Variants in SENP5 observed in about 807,000 individuals in gnomAD.
SENP5 encodes sentrin-specific protease 5.
SENP5 carries 21 observed loss-of-function variants against 74.2 expected under a neutral mutation model. That is an observed-to-expected ratio of 0.28 (90% CI 0.20 to 0.41). SENP5 has a LOEUF of 0.41. Among genes scored for constraint, SENP5 ranks in the 10% least tolerant of loss-of-function variants. The probability of loss-of-function intolerance (pLI) is 1.00; values close to 1 mark genes in which losing one functional copy is unlikely to be tolerated. For synonymous variants in SENP5, 311 were observed against 312.7 expected, an observed-to-expected ratio of 0.99 and a Z score of 0.06; for missense variants, 717 against 889.1, an observed-to-expected ratio of 0.81 and a Z score of 2.46.
intron 1 of SENP5, among the ~76,000 whole-genome samples, chr3:196,869,844 CT>C (rs10559181): frequency 0.19 from 25,246 of 131,210 alleles, 2,516 homozygotes; most frequent in Non-Finnish European, 0.23. Context: ...CTAAATCAGC[CT>C]TTTTTTTTTT....
chr3:196,885,843 A>C lies in SENP5; in HGVS notation c.662A>C (p.Gln221Pro), dbSNP rs751482982. The change falls in exon 2 of 10, where the codon CAA (glutamine) becomes CCA (proline). Residue 221 changes from glutamine (Q) to proline (P), a missense_variant. Gln to Pro is a moderately conservative substitution (Grantham distance 76, BLOSUM62 -1). This residue lies in a region of SENP5 where 567 missense variants were observed against 577.4 expected (regional missense o/e 0.98). Transcript: ENST00000323460. ...PLIPKKFQLN[Q>P]HRRIKLSPLM... is the part of the protein sequence containing the mutation. ...ATTCCAAAAAAGTTCCAACTTAACC[A>C]ACATAGAAGGATAAAATTATCTCCT... The C allele has an allele frequency of 2.5e-6, 4 of 1,614,030 alleles. No individual in the cohort carries two copies. In the African/African-American group the frequency reaches 5.3e-5, roughly 22 times the overall value.
At chr3:196,903,482 C>A in intron 5 of SENP5, 51 bp from the exon 6 acceptor site, 1 of 1,160,220 alleles carries the variant, frequency 8.6e-7, no homozygotes, top group Non-Finnish European at 1.2e-6. Context: ...GAAGTTAAAT[C>A]TGGGCACAGC....
rs1334020470 is a variant in SENP5, at chr3:196,931,009, C to CAGAT, written c.*88_*91dup. The CAGAT allele has an allele frequency of 2.4e-6, 2 of 834,180 alleles. No homozygotes were observed. The highest frequency in any genetic ancestry group is 3.3e-5 in the African/African-American group (2 of 59,704). The allele number at this position is 834,180 out of a possible 1,614,324, so 51.7% of individuals were successfully genotyped here. A position where few individuals can be genotyped will look rare whatever the true frequency, so the allele number is the denominator to read the frequency against. Reference sequence around the variant, plus strand: ...CTCCAAACACTTAGTTGAATTTTTACAGATATTTCAGATCAGTGGTGTTGG... The same window carrying CAGAT: ...CTCCAAACACTTAGTTGAATTTTTACAGATAGATATTTCAGATCAGTGGTGTTGG... On this transcript the variant is annotated 3_prime_UTR_variant, in exon 10 of 10. Coordinates refer to ENST00000323460, the MANE Select transcript of SENP5 (RefSeq NM_152699.5).
intron 7 of SENP5, among the ~76,000 whole-genome samples, chr3:196,923,987 G>C (rs1017576599): frequency 2.0e-5 from 3 of 152,072 alleles, no homozygotes; most frequent in Non-Finnish European, 4.4e-5. Flanking sequence ...GGATTTTCCT[G>C]CACTACCAAG....
intron 6 of SENP5, 54 bp downstream of exon 6, chr3:196,903,664 CTT>C: frequency 9.1e-7 from 1 of 1,096,452 alleles, no homozygotes; most frequent in Non-Finnish European, 1.4e-6. Context: ...TGATAAACCA[CTT>C]TGTGTGGAAG....
chr3:196,877,234 A>C (rs1285897071), intron 1 of SENP5, among the ~76,000 whole-genome samples: 2 of 152,168 alleles, frequency 1.3e-5, no homozygotes, highest in East Asian at 3.9e-4. Flanking sequence ...CCCAGGCTGG[A>C]GTGCAGTGGC....
chr3:196,930,910 G>A lies in SENP5; in HGVS notation c.2255G>A (p.Arg752Gln), dbSNP rs1393061060. The A allele has an allele frequency of 1.2e-5, 19 of 1,611,300 alleles. No individual in the cohort carries two copies. The highest frequency in any genetic ancestry group is 3.3e-5 in the Admixed American group (2 of 60,018). Reference sequence around the variant, plus strand: ...ATTTACAAGGAGCTATGTGAGTGCCGGCTCATGGACTGAAACTCAGCAGGG... The same window carrying A: ...ATTTACAAGGAGCTATGTGAGTGCCAGCTCATGGACTGAAACTCAGCAGGG... Reference protein sequence around the residue: ...KRIYKELCECRLMD With the variant: ...KRIYKELCECQLMD Residue 752 changes from arginine (R) to glutamine (Q), a missense_variant, in exon 10 of 10, where the codon CGG becomes CAG. Physicochemically the swap from Arg to Gln is conservative, Grantham distance 43. Around this residue, in one of 4 missense-constraint regions of SENP5, gnomAD observed 85 missense variants for 188.9 expected, o/e 0.45. Transcript: ENST00000323460.
chr3:196,871,015 A>G (rs533724353), intron 1 of SENP5, among the ~76,000 whole-genome samples: 24 of 152,032 alleles, frequency 1.6e-4, no homozygotes, highest in Admixed American at 3.3e-4. Context: ...TGAAAATACA[A>G]AAAAATTAGC....
At position 196,883,367 on chromosome 3, in the gene SENP5, G is replaced by A. The variant is rs558809140; in HGVS notation, c.-31-1784G>A. Among the ~76,000 whole-genome samples the A allele has an allele frequency of 2.0e-5, 3 of 152,240 alleles. No individual in the cohort carries two copies. The East Asian group carries it at 5.8e-4, about 29-fold the overall frequency. On this transcript the variant is annotated intron_variant, in intron 1 of 9. Coordinates refer to ENST00000323460, the MANE Select transcript of SENP5 (RefSeq NM_152699.5). ...TCCCCCAGGGACTAGTCGCCTTCTT[G>A]TGGGTATAGAGCTTCTTGCCAGTCT...
rs185839172 is a variant in SENP5 at position 196,872,486 on chromosome 3, C to T, written c.-32+4413C>T. On this transcript the variant is annotated intron_variant, in intron 1 of 9. Transcript: ENST00000323460. ...GGGAAAGGCTGGAGGTCTTAGTATT[C>T]GTTATGTAAACACTCATTCTTGTTC... 6.3e-4 allele frequency among the ~76,000 whole-genome samples: 95 copies of T among 150,914 alleles called. 1 individual carries two copies. Among genetic ancestry groups the T allele is most frequent in the East Asian group, 5.8e-4 (3 of 5,178 alleles).
chr3:196,886,684 C>A lies in SENP5; in HGVS notation c.1503C>A (p.Val501=). 6.4e-7 allele frequency: 1 copy of A among 1,556,452 alleles called. No individual in the cohort carries two copies. The highest frequency in any genetic ancestry group is 1.2e-5 in the South Asian group (1 of 80,998). Residue 501 remains valine, a synonymous_variant, in exon 2 of 10, where the codon GTC becomes GTA. Coordinates refer to ENST00000323460, the MANE Select transcript of SENP5 (RefSeq NM_152699.5). ...CAGTGGATGATGAACAGCTGTCAGT[C>A]TGTCTTTCTGGTATGCACTTTTCCT... is the stretch of plus-strand genomic sequence containing the variant. ...ASPVDDEQLS[V]CLSGFLDEVM...
Position 196,931,212 on chromosome 3 carries a change from T to TAA in SENP5, c.*298_*299dup. ...AGACAGAGCATGCAGTGAAGAGTAT[T>TAA]AAAAAAAAAAGCTTAGTAGATTTGG... On this transcript the variant is annotated 3_prime_UTR_variant, in exon 10 of 10. Transcript: ENST00000323460. 3 of 229,748 alleles carry TAA rather than the reference T, an allele frequency of 1.3e-5. No individual in the cohort carries two copies. Among genetic ancestry groups the TAA allele is most frequent in the East Asian group, 9.1e-5 (1 of 11,004 alleles). 14.2% of individuals were successfully genotyped at this position (229,748 alleles called of 1,614,324 possible).
At position 196,934,003 on chromosome 3, in the gene SENP5, A is replaced by G. The variant is rs979438024; in HGVS notation, c.*3080A>G. 2 of 152,312 alleles carry G rather than the reference A, an allele frequency of 1.3e-5. No individual in the cohort carries two copies. Among genetic ancestry groups the G allele is most frequent in the African/African-American group, 4.8e-5 (2 of 41,562 alleles). The allele number at this position is 152,312 out of a possible 1,614,324, so 9.4% of individuals were successfully genotyped here. A position where few individuals can be genotyped will look rare whatever the true frequency, so the allele number is the denominator to read the frequency against. On this transcript the variant is annotated 3_prime_UTR_variant, in exon 10 of 10. Transcript: ENST00000323460. ...GCCCAGTCCTCTCCTCAGCAGACGC[A>G]TCAGGTTGTAGTTGCATCTTTACAG...
rs1156228865 is a variant in SENP5, at chr3:196,909,275, C to G, written c.1884+5665C>G. Among the ~76,000 whole-genome samples the G allele has an allele frequency of 3.3e-5, 5 of 152,238 alleles. No individual in the cohort carries two copies. The South Asian group carries it at 1.0e-3, about 32-fold the overall frequency. ...TGAAATTGAGGCAGTAATTAATAGC[C>G]TACCAACCACAAAAAGCCCAGGACC... On this transcript the variant is annotated intron_variant, in intron 6 of 9. Coordinates refer to ENST00000323460, the MANE Select transcript of SENP5 (RefSeq NM_152699.5).
In SENP5 at chr3:196,923,528, A is replaced by G. The variant is rs1177791443; in HGVS notation, c.1999A>G (p.Ile667Val). 6.2e-7 allele frequency: 1 copy of G among 1,608,454 alleles called. No individual in the cohort carries two copies. The highest frequency in any genetic ancestry group is 1.1e-5 in the South Asian group (1 of 90,062). ...RIISFYDSQGIHFKFCVENIR... is the reference protein window; with the variant it reads ...RIISFYDSQGVHFKFCVENIR... ...TATTTCATTTTATGATTCCCAAGGC[A>G]TTCATTTTAAGTTTTGTGTAGAGGT... The change falls in exon 7 of 10, where the codon ATT becomes GTT. Residue 667 changes from isoleucine to valine, a missense_variant. Physicochemically the swap from Ile to Val is conservative, Grantham distance 29. Transcript: ENST00000323460.
intron 6 of SENP5, among the ~76,000 whole-genome samples, chr3:196,923,123 A>C (rs66746629): frequency 0.19 from 28,946 of 152,230 alleles, 3,518 homozygotes; most frequent in Non-Finnish European, 0.24. Context: ...TATGTATATG[A>C]GAAAATGAGG....
intron 1 of SENP5, among the ~76,000 whole-genome samples, chr3:196,876,179 A>T (rs1713457423): frequency 6.6e-6 from 1 of 152,202 alleles, no homozygotes; most frequent in African/African-American, 2.4e-5. Flanking sequence ...CACCCTCCTT[A>T]ATATATTTTT....
intron 6 of SENP5, among the ~76,000 whole-genome samples, chr3:196,918,324 A>C (rs1162342466): frequency 2.6e-5 from 4 of 150,966 alleles, no homozygotes; most frequent in Non-Finnish European, 1.5e-5. Context: ...AAAAAGTAGA[A>C]ACAACAAAAA....
intron 5 of SENP5, among the ~76,000 whole-genome samples, chr3:196,902,927 T>TA (rs544683912): frequency 6.7e-4 from 102 of 152,268 alleles, no homozygotes; most frequent in African/African-American, 2.2e-3. Context: ...AGGTAATTGT[T>TA]ACCTCATTTT....
Sources: allele counts gnomAD v4.1 joint callset (sites outside exome capture counted in the v4.1 genomes callset), GRCh38; gene constraint gnomAD v4.1.1; regional missense constraint gnomAD v4.1.1; transcripts MANE v1.5; gene names NCBI Gene and HGNC (gene_info 2026-07-23, HGNC 2026-07-21).